The following GALNT13 variants were observed in gnomAD, a reference collection of about 807,000 sequenced individuals.
The protein encoded by GALNT13 is polypeptide N-acetylgalactosaminyltransferase 13.
A neutral mutation model predicts 64.2 loss-of-function variants in GALNT13; 28 were observed. The observed-to-expected ratio is 0.44, with a 90% CI of 0.32 to 0.60. The LOEUF is 0.60. GALNT13 is among the 20% of genes least tolerant of loss of function. The pLI is 0.05. For synonymous variants in GALNT13, 214 were observed against 224.6 expected (o/e 0.95, Z 0.42); for missense variants, 577 against 669.8 (o/e 0.86, Z 1.53).
intron 8 of GALNT13, chr2:154,286,699 G>A: frequency 6.6e-6 from 2 of 303,632 alleles, no homozygotes; most frequent in South Asian, 6.7e-5. Flanking sequence ...ACACAGAGCT[G>A]CCATCTTTGA....
chr2:153,212,415 C>T, the GALNT13 span, among the ~76,000 whole-genome samples: 1 of 152,098 alleles, frequency 6.6e-6, no homozygotes, highest in Non-Finnish European at 1.5e-5. Flanking sequence ...CTATTGTGCA[C>T]ATTGCATCAT....
At chr2:153,731,121 A>G in the GALNT13 span, among the ~76,000 whole-genome samples, 1 of 151,752 alleles carries the variant, frequency 6.6e-6, no homozygotes, top group Non-Finnish European at 1.5e-5. Context: ...AATGTCATAT[A>G]TATGACATAT....
intron 9 of GALNT13, among the ~76,000 whole-genome samples, chr2:154,359,447 G>T (rs547259823): frequency 6.6e-6 from 1 of 152,206 alleles, no homozygotes; most frequent in South Asian, 2.1e-4. Context: ...TGCCTGTAGC[G>T]ATGGTTCCTG....
the GALNT13 span, among the ~76,000 whole-genome samples, chr2:153,347,881 G>C: frequency 6.6e-6 from 1 of 152,144 alleles, no homozygotes. Flanking sequence ...CTATGTGAAA[G>C]CATGTAAAAT....
At chr2:153,748,392 C>T in the GALNT13 span, among the ~76,000 whole-genome samples, 2 of 152,144 alleles carry the variant, frequency 1.3e-5, no homozygotes, top group Admixed American at 1.3e-4. Context: ...TATATTCTCA[C>T]TGAAAGTGTA....
the GALNT13 span, among the ~76,000 whole-genome samples, chr2:153,678,156 A>AATATATATATATATAT: frequency 9.6e-5 from 14 of 145,648 alleles, no homozygotes; most frequent in African/African-American, 3.3e-4. Flanking sequence ...CCGACAAATG[A>AATATATATATATATAT]ATATATATAT....
intron 9 of GALNT13, among the ~76,000 whole-genome samples, chr2:154,372,958 A>C (rs1235383102): frequency 1.3e-5 from 2 of 152,120 alleles, no homozygotes; most frequent in Non-Finnish European, 2.9e-5. Flanking sequence ...TTAATCATTA[A>C]TACTCTGTCA....
At chr2:153,104,389 T>G in the GALNT13 span, among the ~76,000 whole-genome samples, 1 of 152,144 alleles carries the variant, frequency 6.6e-6, no homozygotes, top group Non-Finnish European at 1.5e-5. Context: ...AATTAGAATT[T>G]GTAAAAAAAT....
chr2:153,474,740 A>C, the GALNT13 span, among the ~76,000 whole-genome samples: 1 of 152,146 alleles, frequency 6.6e-6, no homozygotes, highest in African/African-American at 2.4e-5. Flanking sequence ...GTATTTCCAG[A>C]AGGGCTTCAG....
intron 3 of GALNT13, among the ~76,000 whole-genome samples, chr2:154,003,238 A>C (rs1010984246): frequency 6.6e-6 from 1 of 152,074 alleles, no homozygotes; most frequent in Non-Finnish European, 1.5e-5. Flanking sequence ...TGGCCCTCCC[A>C]TTGCTTCCTG....
chr2:153,992,713 T>G (rs1178521922), intron 3 of GALNT13, among the ~76,000 whole-genome samples: 1 of 152,128 alleles, frequency 6.6e-6, no homozygotes, highest in African/African-American at 2.4e-5. Flanking sequence ...GGTTATAACT[T>G]TAGTCTGTGA....
At chr2:153,976,075 T>C (rs2105142427) in intron 3 of GALNT13, among the ~76,000 whole-genome samples, 1 of 152,308 alleles carries the variant, frequency 6.6e-6, no homozygotes, top group African/African-American at 2.4e-5. Flanking sequence ...TTTGTCTTCC[T>C]TATTTTATGA....
At chr2:153,355,719 AGT>A in the GALNT13 span, among the ~76,000 whole-genome samples, 2 of 152,098 alleles carry the variant, frequency 1.3e-5, no homozygotes, top group South Asian at 4.1e-4. Flanking sequence ...GTCCTCTTTA[AGT>A]GTTAGTTTCT....
At chr2:153,612,517 G>A in the GALNT13 span, among the ~76,000 whole-genome samples, 1 of 151,950 alleles carries the variant, frequency 6.6e-6, no homozygotes, top group Non-Finnish European at 1.5e-5. Context: ...TGAAAAAAAT[G>A]GAAACAACAA....
At chr2:154,110,141 AT>A (rs1266190234) in intron 3 of GALNT13, among the ~76,000 whole-genome samples, 1 of 150,912 alleles carries the variant, frequency 6.6e-6, no homozygotes, top group Admixed American at 6.6e-5. Flanking sequence ...CTCATTTGTT[AT>A]TGATATGTTT....
the GALNT13 span, among the ~76,000 whole-genome samples, chr2:153,508,803 A>T: frequency 6.6e-6 from 1 of 152,172 alleles, no homozygotes; most frequent in Non-Finnish European, 1.5e-5. Flanking sequence ...GAGTCTCCGC[A>T]GGCTGCTCTG....
the GALNT13 span, among the ~76,000 whole-genome samples, chr2:153,403,551 C>T: frequency 6.6e-6 from 1 of 152,216 alleles, no homozygotes; most frequent in African/African-American, 2.4e-5. Flanking sequence ...GCAGTTTGAT[C>T]TCAGACTGCT....
the GALNT13 span, among the ~76,000 whole-genome samples, chr2:153,264,143 C>T: frequency 6.6e-6 from 1 of 151,986 alleles, no homozygotes; most frequent in Non-Finnish European, 1.5e-5. Context: ...ATGAGCAGAC[C>T]CTTCTGAAAA....
chr2:153,909,017 A>T (rs1433729535), intron 2 of GALNT13, among the ~76,000 whole-genome samples: 2 of 152,002 alleles, frequency 1.3e-5, no homozygotes, highest in Non-Finnish European at 2.9e-5. Context: ...GATTCCTCCT[A>T]TCCATGAGAT....
Sources: allele counts gnomAD v4.1 joint callset (sites outside exome capture counted in the v4.1 genomes callset), GRCh38; gene constraint gnomAD v4.1.1; transcripts MANE v1.5; gene names NCBI Gene and HGNC (gene_info 2026-07-23, HGNC 2026-07-21).